Variants in SESTD1 observed in about 807,000 individuals in gnomAD.
The protein encoded by SESTD1 is SEC14 domain and spectrin repeat-containing protein 1.
Under a neutral mutation model 101.7 loss-of-function variants are expected in SESTD1, and 43 were observed. That is an observed-to-expected ratio of 0.42 (90% CI 0.33 to 0.55). The LOEUF (loss-of-function observed/expected upper bound fraction) is 0.55. Among genes scored for constraint, SESTD1 ranks in the 20% least tolerant of loss-of-function variants. SESTD1 has a pLI of 0.07. For synonymous variants in SESTD1, 283 were observed against 286.8 expected (o/e 0.99, Z 0.13); for missense variants, 647 against 815.1 (o/e 0.79, Z 2.51).
intron 5 of SESTD1, among the ~76,000 whole-genome samples, chr2:179,163,391 A>G (rs942466387): frequency 6.6e-6 from 1 of 152,160 alleles, no homozygotes; most frequent in Non-Finnish European, 1.5e-5. Flanking sequence ...GAACATTCTA[A>G]TATTTATGCG....
At chr2:179,167,155 A>T (rs2045849542) in intron 5 of SESTD1, among the ~76,000 whole-genome samples, 2 of 152,250 alleles carry the variant, frequency 1.3e-5, no homozygotes, top group South Asian at 4.1e-4. Flanking sequence ...GAAAAATAAC[A>T]TGCAAGGACA....
chr2:179,244,785 G>C (rs1440939192), intron 1 of SESTD1, among the ~76,000 whole-genome samples: 3 of 152,140 alleles, frequency 2.0e-5, no homozygotes, highest in African/African-American at 7.2e-5. Flanking sequence ...CCTTTGTCTT[G>C]AGTTGTCTAA....
At chr2:179,132,213 T>G in intron 10 of SESTD1, 91 bp downstream of exon 10, 1 of 1,407,704 alleles carries the variant, frequency 7.1e-7, no homozygotes, top group South Asian at 1.9e-5. Flanking sequence ...CATACCAAAG[T>G]TTGCAGCAAC....
rs1439954091 is a variant in SESTD1, at chr2:179,172,187, T to C, written c.302A>G (p.Asp101Gly). The change falls in exon 5 of 18, where the codon GAT becomes GGT. Residue 101 changes from aspartate to glycine, a missense_variant. Transcript: ENST00000428443. ...EVSLVCVVKP[D>G]EFWDKKVTHF... ...CGTTACTTTCTTATCCCAGAATTCA[T>C]CTGGCTTTACCACACAAACAAGGGA... 1 of 1,610,302 alleles carries C rather than the reference T, an allele frequency of 6.2e-7. No homozygotes were observed. Among genetic ancestry groups the C allele is most frequent in the Non-Finnish European group, 8.5e-7 (1 of 1,177,608 alleles).
At chr2:179,176,604 T>G in intron 3 of SESTD1, 66 bp from the exon 4 acceptor site, 1 of 1,331,956 alleles carries the variant, frequency 7.5e-7, no homozygotes, top group Non-Finnish European at 1.1e-6. Flanking sequence ...TAATTCTAAA[T>G]AAAGAAGGTT....
chr2:179,130,049 G>A (rs550682275), intron 10 of SESTD1, among the ~76,000 whole-genome samples: 1 of 152,192 alleles, frequency 6.6e-6, no homozygotes, highest in East Asian at 1.9e-4. Context: ...AAAATCTCTT[G>A]ATAGCCATCA....
chr2:179,130,359 T>C (rs1372043051), intron 10 of SESTD1, among the ~76,000 whole-genome samples: 1 of 152,150 alleles, frequency 6.6e-6, no homozygotes, highest in Non-Finnish European at 1.5e-5. Context: ...TTTTATATAT[T>C]GGTTCCACAT....
intron 5 of SESTD1, among the ~76,000 whole-genome samples, chr2:179,158,372 T>C (rs1418205664): frequency 1.3e-5 from 2 of 152,176 alleles, no homozygotes; most frequent in Non-Finnish European, 2.9e-5. Context: ...TGTATTCCTT[T>C]CTACTTTTAT....
At chr2:179,155,119 T>C (rs1225592633) in intron 5 of SESTD1, among the ~76,000 whole-genome samples, 2 of 152,040 alleles carry the variant, frequency 1.3e-5, no homozygotes, top group Non-Finnish European at 2.9e-5. Context: ...TTTTACCATG[T>C]TGGCCAGGCT....
At chr2:179,124,655 A>ATT (rs149635563) in intron 10 of SESTD1, 97 bp from the exon 11 acceptor site, 20 of 1,025,894 alleles carry the variant, frequency 1.9e-5, no homozygotes, top group African/African-American at 1.8e-4. Flanking sequence ...GTAATACATG[A>ATT]TTTTTTTTTT....
intron 3 of SESTD1, among the ~76,000 whole-genome samples, chr2:179,182,729 G>A (rs766243984): frequency 3.9e-5 from 6 of 151,998 alleles, no homozygotes; most frequent in Admixed American, 1.3e-4. Context: ...ACCTGCAGAC[G>A]TATTTATATC....
At chr2:179,118,041 G>A (rs1360791698) in intron 13 of SESTD1, among the ~76,000 whole-genome samples, 1 of 152,074 alleles carries the variant, frequency 6.6e-6, no homozygotes, top group African/African-American at 2.4e-5. Flanking sequence ...TACCATCATA[G>A]CTCACTATAA....
chr2:179,172,139 T>C lies in SESTD1; in HGVS notation c.350A>G (p.Lys117Arg), dbSNP rs550643730. Residue 117 changes from lysine (K) to arginine (R), a missense_variant, in exon 5 of 18, where the codon AAG (lysine) becomes AGG (arginine). This residue lies in a region of SESTD1 where 168 missense variants were observed against 235.1 expected (regional missense o/e 0.71). Coordinates refer to ENST00000428443, the MANE Select transcript of SESTD1 (RefSeq NM_178123.5). The stretch of plus-strand genomic sequence containing the variant: ...ATTTACCTCAAAGCCAAGTCTATCC[T>C]TCTCCTTCCAAAAACAAAAATGCGT... ...KVTHFCFWKEKDRLGFEVILV... is the reference protein window; with the variant it reads ...KVTHFCFWKERDRLGFEVILV... 13 of 1,608,708 alleles carry C rather than the reference T, an allele frequency of 8.1e-6. No homozygotes were observed. The Admixed American group carries it at 1.8e-4, about 23-fold the overall frequency.
At chr2:179,183,750 G>A (rs1393434846) in intron 2 of SESTD1, among the ~76,000 whole-genome samples, 2 of 151,792 alleles carry the variant, frequency 1.3e-5, no homozygotes, top group Non-Finnish European at 2.9e-5. Flanking sequence ...GGCTGAGGGC[G>A]AGAGTATCAC....
At chr2:179,232,421 T>C (rs1012805838) in intron 1 of SESTD1, among the ~76,000 whole-genome samples, 10 of 151,694 alleles carry the variant, frequency 6.6e-5, no homozygotes, top group Admixed American at 5.9e-4. Flanking sequence ...AAAAATCACA[T>C]CATAAATCAA....
intron 17 of SESTD1, among the ~76,000 whole-genome samples, chr2:179,112,348 G>A (rs2154393664): frequency 6.6e-6 from 1 of 152,274 alleles, no homozygotes; most frequent in South Asian, 2.1e-4. Context: ...AAGGTGAAAT[G>A]TTTCACTTGG....
intron 10 of SESTD1, among the ~76,000 whole-genome samples, chr2:179,126,965 C>G (rs1233715392): frequency 2.0e-5 from 3 of 152,202 alleles, no homozygotes; most frequent in Non-Finnish European, 4.4e-5. Context: ...CATTGCTAGT[C>G]TCTGTTCCCT....
chr2:179,185,893 A>G lies in SESTD1; in HGVS notation c.56-2705T>C, dbSNP rs12329222. On this transcript the variant is annotated intron_variant, in intron 2 of 17. Transcript: ENST00000428443. ...TACAATATATAATATAGCATATACA[A>G]TATAGTATATTATATACAATATATA... Among the ~76,000 whole-genome samples, 1,046 of 135,452 alleles carry G rather than the reference A, an allele frequency of 7.7e-3. 16 individuals carry two copies. Among genetic ancestry groups the G allele is most frequent in the African/African-American group, 0.025 (904 of 35,926 alleles). The allele number at this position is 135,452 out of a possible 152,430, so 88.9% of individuals were successfully genotyped here. A position where few individuals can be genotyped will look rare whatever the true frequency, so the allele number is the denominator to read the frequency against.
rs537209824 is a variant in SESTD1 at position 179,193,298 on chromosome 2, T to C, written c.-25-1432A>G. Among the ~76,000 whole-genome samples, 3 of 152,332 alleles carry C rather than the reference T, an allele frequency of 2.0e-5. No homozygotes were observed. In the South Asian group the frequency reaches 6.2e-4, roughly 32 times the overall value. ...ATCTGTCTTCAAAGAAAACAAGTTG[T>C]CCATCTAGATGATATATTCAAGTTC... is the stretch of plus-strand genomic sequence containing the variant. On this transcript the variant is annotated intron_variant, in intron 1 of 17. Coordinates refer to ENST00000428443, the MANE Select transcript of SESTD1 (RefSeq NM_178123.5).
Sources: gnomAD v4.1 joint callset for allele counts (sites outside exome capture counted in the v4.1 genomes callset) on GRCh38, gnomAD v4.1.1 for gene constraint, gnomAD v4.1.1 regional missense constraint, MANE v1.5 for transcripts, NCBI Gene and HGNC (gene_info 2026-07-23, HGNC 2026-07-21) for gene names.